NDUFAF2: variants seen among roughly 807,000 people sequenced by gnomAD.
The protein encoded by NDUFAF2 is NADH:ubiquinone oxidoreductase complex assembly factor 2, also known as NADH dehydrogenase [ubiquinone] 1 alpha subcomplex assembly factor 2.
NDUFAF2 carries 13 observed loss-of-function variants against 22.8 expected under a neutral mutation model. The observed-to-expected ratio is 0.57, with a 90% CI of 0.37 to 0.91. The LOEUF (loss-of-function observed/expected upper bound fraction) is 0.91. Ranked by LOEUF, NDUFAF2 falls within the 40% of genes least tolerant of loss-of-function variation. NDUFAF2 has a pLI of 0.01. For synonymous variants in NDUFAF2, 53 were observed against 64.2 expected, an observed-to-expected ratio of 0.83 and a Z score of 0.84; for missense variants, 162 against 195.2, an observed-to-expected ratio of 0.83 and a Z score of 1.01.
intron 1 of NDUFAF2, among the ~76,000 whole-genome samples, chr5:61,045,478 T>G (rs1751942495): frequency 6.6e-6 from 1 of 151,660 alleles, no homozygotes; most frequent in Non-Finnish European, 1.5e-5. Flanking sequence ...TGACTTTTTT[T>G]CTATTTTTAA....
At chr5:61,074,069 T>C (rs1752335542) in intron 2 of NDUFAF2, among the ~76,000 whole-genome samples, 1 of 152,196 alleles carries the variant, frequency 6.6e-6, no homozygotes, top group Non-Finnish European at 1.5e-5. Flanking sequence ...CTCATAACCA[T>C]GTTATGTATT....
chr5:61,041,286 T>C (rs1359765090), intron 1 of NDUFAF2, among the ~76,000 whole-genome samples: 1 of 152,162 alleles, frequency 6.6e-6, no homozygotes, highest in Non-Finnish European at 1.5e-5. Context: ...CATTTACTAG[T>C]ATAATTTTTA....
intron 3 of NDUFAF2, among the ~76,000 whole-genome samples, chr5:61,131,368 T>C (rs1341469080): frequency 6.6e-6 from 1 of 151,850 alleles, no homozygotes; most frequent in Non-Finnish European, 1.5e-5. Context: ...GGGGGGTTTT[T>C]TGGTTTGTTT....
At chr5:61,045,069 T>G (rs916510505) in intron 1 of NDUFAF2, among the ~76,000 whole-genome samples, 1 of 145,570 alleles carries the variant, frequency 6.9e-6, no homozygotes, top group African/African-American at 2.5e-5. Context: ...AAATAAAGTT[T>G]TATTAAAATT....
At chr5:61,095,640 T>A (rs1752630517) in intron 2 of NDUFAF2, among the ~76,000 whole-genome samples, 1 of 152,200 alleles carries the variant, frequency 6.6e-6, no homozygotes, top group Admixed American at 6.5e-5. Flanking sequence ...GTGGCTGCTC[T>A]GCCAAGAGTC....
rs147098166 is a variant in NDUFAF2 at position 61,020,289 on chromosome 5, C to T, written c.128-52836C>T. On this transcript the variant is annotated intron_variant, in intron 1 of 3. Coordinates refer to ENST00000296597, the MANE Select transcript of NDUFAF2 (RefSeq NM_174889.5). ...TCTTTTATCTCATATATTCTACTTT[C>T]TCTGTTTCCTTTTCCCACCAACCCC... Among the ~76,000 whole-genome samples, 915 of 152,058 alleles carry T rather than the reference C, an allele frequency of 6.0e-3. 24 individuals carry two copies. The South Asian group carries it at 0.078, about 13-fold the overall frequency.
chr5:61,138,502 C>A (rs147753488), intron 3 of NDUFAF2, among the ~76,000 whole-genome samples: 11 of 152,296 alleles, frequency 7.2e-5, no homozygotes, highest in African/African-American at 2.6e-4. Context: ...CTCCTCCCCC[C>A]CAGATCGTGC....
intron 3 of NDUFAF2, among the ~76,000 whole-genome samples, chr5:61,141,691 TGA>T (rs1398514634): frequency 6.9e-6 from 1 of 144,584 alleles, no homozygotes; most frequent in East Asian, 2.2e-4. Context: ...AATGAATGAA[TGA>T]AAAACACATG....
chr5:61,113,454 C>T (rs1752870351), intron 3 of NDUFAF2, among the ~76,000 whole-genome samples: 1 of 152,058 alleles, frequency 6.6e-6, no homozygotes, highest in South Asian at 2.1e-4. Context: ...TTGGCTGTGT[C>T]CCCACCCAAA....
intron 2 of NDUFAF2, among the ~76,000 whole-genome samples, chr5:61,089,190 G>T (rs1752538947): frequency 6.6e-6 from 1 of 152,034 alleles, no homozygotes; most frequent in South Asian, 2.1e-4. Context: ...TTAAAGTTCA[G>T]TGAAAATCTC....
chr5:61,096,597 C>CAAAAAAA (rs35508356), intron 2 of NDUFAF2, among the ~76,000 whole-genome samples: 1 of 95,296 alleles, frequency 1.0e-5, no homozygotes, highest in Non-Finnish European at 2.1e-5. Flanking sequence ...GACACCATTG[C>CAAAAAAA]AAAAAAAAAA....
At chr5:61,123,770 G>A (rs1212903287) in intron 3 of NDUFAF2, among the ~76,000 whole-genome samples, 5 of 152,130 alleles carry the variant, frequency 3.3e-5, no homozygotes, top group African/African-American at 9.6e-5. Flanking sequence ...GTGTAAATGT[G>A]AATCTAATTA....
chr5:61,036,000 G>T (rs997765566), intron 1 of NDUFAF2, among the ~76,000 whole-genome samples: 1 of 152,168 alleles, frequency 6.6e-6, no homozygotes, highest in African/African-American at 2.4e-5. Context: ...TTTAACAGAA[G>T]TGTGTGTTTG....
intron 1 of NDUFAF2, among the ~76,000 whole-genome samples, chr5:61,000,059 AAAAAATT>A (rs1400870911): frequency 1.3e-5 from 2 of 152,114 alleles, no homozygotes; most frequent in African/African-American, 4.8e-5. Context: ...ATGATAAAAG[AAAAAATT>A]AAACTTGTTA....
intron 3 of NDUFAF2, among the ~76,000 whole-genome samples, chr5:61,125,989 A>G (rs530096619): frequency 6.6e-6 from 1 of 152,200 alleles, no homozygotes; most frequent in South Asian, 2.1e-4. Flanking sequence ...AGAAAGAGAA[A>G]TAATACAGTA....
chr5:61,075,867 T>C (rs1245456973), intron 2 of NDUFAF2, among the ~76,000 whole-genome samples: 1 of 152,208 alleles, frequency 6.6e-6, no homozygotes, highest in Non-Finnish European at 1.5e-5. Flanking sequence ...TTGCATATTC[T>C]CCCACAATGT....
At chr5:61,064,756 A>C (rs1285281299) in intron 1 of NDUFAF2, among the ~76,000 whole-genome samples, 1 of 152,114 alleles carries the variant, frequency 6.6e-6, no homozygotes, top group Non-Finnish European at 1.5e-5. Flanking sequence ...CATTATAGCA[A>C]TTAATGCCTA....
Position 61,098,973 on chromosome 5 carries a change from ATAT to A in NDUFAF2, c.218-14_218-12del. ...TAAATTATGGGAAACTGACATTTAA[ATAT>A]TATTTTTCTTTCTAGCTTGGATTAG... On this transcript the variant is annotated splice_polypyrimidine_tract_variant and intron_variant, in intron 2 of 3. Coordinates refer to ENST00000296597, the MANE Select transcript of NDUFAF2 (RefSeq NM_174889.5). 1 of 1,590,074 alleles carries A rather than the reference ATAT, an allele frequency of 6.3e-7. No homozygotes were observed.
chr5:61,106,141 A>C (rs1752759934), intron 3 of NDUFAF2, among the ~76,000 whole-genome samples: 1 of 151,522 alleles, frequency 6.6e-6, no homozygotes, highest in Admixed American at 6.6e-5. Flanking sequence ...AATTGGGAAA[A>C]AATTACCAGC....
Sources: gnomAD v4.1 joint callset for allele counts (sites outside exome capture counted in the v4.1 genomes callset) on GRCh38, gnomAD v4.1.1 for gene constraint, MANE v1.5 for transcripts, NCBI Gene and HGNC (gene_info 2026-07-23, HGNC 2026-07-21) for gene names.